Variants in SIPA1L3 observed in about 807,000 individuals in gnomAD.
The protein encoded by SIPA1L3 is signal-induced proliferation-associated 1-like protein 3.
In SIPA1L3, 59 loss-of-function variants were observed where a neutral mutation model predicts 150.1. The ratio of observed to expected loss-of-function variants is 0.39; its 90% CI spans 0.32 to 0.49. The LOEUF is 0.49. SIPA1L3 is among the 20% of genes least tolerant of loss of function. The probability of loss-of-function intolerance (pLI) is 0.86; values close to 1 mark genes in which losing one functional copy is unlikely to be tolerated. For synonymous variants in SIPA1L3, 1,070 were observed against 1,077.6 expected (o/e 0.99, Z 0.14); for missense variants, 2,211 against 2,489.5 (o/e 0.89, Z 2.38).
At chr19:37,990,449 G>A (rs918432189) in intron 1 of SIPA1L3, among the ~76,000 whole-genome samples, 6 of 152,204 alleles carry the variant, frequency 3.9e-5, no homozygotes, top group Non-Finnish European at 7.3e-5. Context: ...GAACTTTGGC[G>A]GAAGCCAGGT....
At chr19:37,977,465 C>T (rs572039551) in intron 1 of SIPA1L3, among the ~76,000 whole-genome samples, 11 of 152,334 alleles carry the variant, frequency 7.2e-5, no homozygotes, top group Admixed American at 2.6e-4. Flanking sequence ...CCACTTCACC[C>T]GGCCTCATTA....
At position 38,152,976 on chromosome 19, in the gene SIPA1L3, C is replaced by T. The variant is rs78826617; in HGVS notation, c.3661+9C>T. ...GGAACGCCAGAAGCCAGGTAGGGCC[C>T]CCACCAGCTGCTGCGCCCACCCGCC... On this transcript the variant is annotated intron_variant, in intron 13 of 21. Coordinates refer to ENST00000222345, the MANE Select transcript of SIPA1L3 (RefSeq NM_015073.3). The T allele has an allele frequency of 7.5e-6, 12 of 1,610,648 alleles. No individual in the cohort carries two copies. In the African/African-American group the frequency reaches 1.6e-4, roughly 21 times the overall value.
intron 2 of SIPA1L3, among the ~76,000 whole-genome samples, chr19:38,052,611 C>T (rs1439813402): frequency 6.6e-6 from 1 of 152,242 alleles, no homozygotes; most frequent in African/African-American, 2.4e-5. Flanking sequence ...AGAGGGAACT[C>T]GATCCCCATT....
chr19:38,172,993 T>C (rs1460953497), intron 15 of SIPA1L3, among the ~76,000 whole-genome samples: 3 of 151,666 alleles, frequency 2.0e-5, no homozygotes, highest in Non-Finnish European at 4.4e-5. Context: ...TCCCAGCTAC[T>C]TGGGAGGCTG....
chr19:37,967,953 C>G (rs2046919082), intron 1 of SIPA1L3, among the ~76,000 whole-genome samples: 1 of 138,900 alleles, frequency 7.2e-6, no homozygotes, highest in Non-Finnish European at 1.7e-5. Flanking sequence ...GCCCTGGCGC[C>G]CAGCCACTTA....
At chr19:38,157,732 G>T (rs1375998488) in intron 13 of SIPA1L3, among the ~76,000 whole-genome samples, 1 of 152,172 alleles carries the variant, frequency 6.6e-6, no homozygotes, top group Non-Finnish European at 1.5e-5. Flanking sequence ...GCAGAGCTGG[G>T]GCAGGAGAAT....
chr19:38,170,524 T>A (rs939167471), intron 15 of SIPA1L3, among the ~76,000 whole-genome samples: 2 of 152,172 alleles, frequency 1.3e-5, no homozygotes, highest in Non-Finnish European at 2.9e-5. Flanking sequence ...GACTGCCCTA[T>A]GTCTACCTCC....
chr19:38,086,797 T>G (rs1614979), intron 3 of SIPA1L3, among the ~76,000 whole-genome samples: 24,477 of 152,126 alleles, frequency 0.16, 2,106 homozygotes, highest in African/African-American at 0.22. Flanking sequence ...GGAAGAGAGA[T>G]TGGGCTTAAC....
At chr19:37,960,210 A>T (rs1247644618) in intron 1 of SIPA1L3, among the ~76,000 whole-genome samples, 1 of 152,130 alleles carries the variant, frequency 6.6e-6, no homozygotes, top group Non-Finnish European at 1.5e-5. Context: ...ATCTTCTAGC[A>T]GTGAATTCTC....
At chr19:37,952,997 C>T (rs186928968) in intron 1 of SIPA1L3, among the ~76,000 whole-genome samples, 80 of 152,210 alleles carry the variant, frequency 5.3e-4, no homozygotes, top group South Asian at 1.4e-3. Flanking sequence ...TTTGGGAGGC[C>T]GAGGTGGGTG....
At chr19:38,037,352 G>A (rs750086672) in intron 2 of SIPA1L3, among the ~76,000 whole-genome samples, 9 of 152,214 alleles carry the variant, frequency 5.9e-5, no homozygotes, top group Non-Finnish European at 1.2e-4. Flanking sequence ...CGAGGAATGG[G>A]GAGAGAGTCC....
At chr19:38,171,134 G>T (rs1241628123) in intron 15 of SIPA1L3, among the ~76,000 whole-genome samples, 1 of 152,128 alleles carries the variant, frequency 6.6e-6, no homozygotes, top group Non-Finnish European at 1.5e-5. Context: ...AGAAGGGAAA[G>T]ATGAGGCGTG....
intron 15 of SIPA1L3, among the ~76,000 whole-genome samples, chr19:38,174,967 T>C (rs774393493): frequency 1.3e-5 from 2 of 152,204 alleles, no homozygotes; most frequent in Non-Finnish European, 2.9e-5. Flanking sequence ...TATTCTCATG[T>C]ATTATGTATT....
intron 1 of SIPA1L3, among the ~76,000 whole-genome samples, chr19:37,916,740 A>C (rs2046418181): frequency 6.6e-6 from 1 of 152,128 alleles, no homozygotes; most frequent in South Asian, 2.1e-4. Flanking sequence ...CGGGTGGATC[A>C]CTTGAGTTCA....
chr19:37,973,560 A>T (rs4803641), intron 1 of SIPA1L3, among the ~76,000 whole-genome samples: 8 of 94,976 alleles, frequency 8.4e-5, no homozygotes, highest in East Asian at 9.6e-4. Context: ...AAAAAGCGGG[A>T]GGGGGGCGCA....
intron 2 of SIPA1L3, among the ~76,000 whole-genome samples, chr19:38,038,449 G>A (rs1436195494): frequency 6.6e-6 from 1 of 152,062 alleles, no homozygotes; most frequent in Non-Finnish European, 1.5e-5. Flanking sequence ...AATTAGCCAG[G>A]CATGGTGGTG....
chr19:37,919,185 A>G (rs1000191430), intron 1 of SIPA1L3, among the ~76,000 whole-genome samples: 11 of 152,098 alleles, frequency 7.2e-5, no homozygotes, highest in Non-Finnish European at 1.3e-4. Flanking sequence ...CTGGCCTTCT[A>G]CCTAAACAGG....
At chr19:38,109,353 C>G (rs960977215) in intron 7 of SIPA1L3, 1 of 152,200 alleles carries the variant, frequency 6.6e-6, no homozygotes, top group South Asian at 2.1e-4. Flanking sequence ...ATCACGAGAA[C>G]AGCATGGAAA....
At chr19:38,061,561 C>T (rs1969446409) in intron 2 of SIPA1L3, among the ~76,000 whole-genome samples, 1 of 151,920 alleles carries the variant, frequency 6.6e-6, no homozygotes, top group Admixed American at 6.6e-5. Flanking sequence ...GGGCCCTGGC[C>T]ATCTGTGTGC....
Sources: gnomAD v4.1 joint callset for allele counts (sites outside exome capture counted in the v4.1 genomes callset) on GRCh38, gnomAD v4.1.1 for gene constraint, MANE v1.5 for transcripts, NCBI Gene and HGNC (gene_info 2026-07-23, HGNC 2026-07-21) for gene names.